The following TRABD2B variants were observed in gnomAD, a reference collection of about 807,000 sequenced individuals.
TRABD2B encodes the protein TraB domain containing 2B, also known as metalloprotease TIKI2.
Under a neutral mutation model 40.1 loss-of-function variants are expected in TRABD2B, and 14 were observed. The observed-to-expected ratio is 0.35, with a 90% confidence interval of 0.23 to 0.55. The LOEUF (loss-of-function observed/expected upper bound fraction) is 0.55. TRABD2B is among the 20% of genes least tolerant of loss of function. TRABD2B has a pLI of 0.90. For synonymous variants in TRABD2B, 263 were observed against 277.0 expected, an observed-to-expected ratio of 0.95 and a Z score of 0.50; for missense variants, 541 against 648.6, an observed-to-expected ratio of 0.83 and a Z score of 1.80.
chr1:47,914,262 C>A (rs1413117270), intron 2 of TRABD2B, among the ~76,000 whole-genome samples: 1 of 152,260 alleles, frequency 6.6e-6, no homozygotes, highest in African/African-American at 2.4e-5. Context: ...TGAGAACTAG[C>A]CCAGGGAATG....
At chr1:47,942,677 C>G (rs1645203670) in intron 2 of TRABD2B, among the ~76,000 whole-genome samples, 1 of 152,182 alleles carries the variant, frequency 6.6e-6, no homozygotes, top group African/African-American at 2.4e-5. Context: ...TGCACATTTA[C>G]CAGGTTCCAG....
chr1:47,978,262 C>T (rs779492390), intron 2 of TRABD2B, among the ~76,000 whole-genome samples: 1 of 152,210 alleles, frequency 6.6e-6, no homozygotes, highest in Admixed American at 6.5e-5. Context: ...AGCTGTTCCT[C>T]ACCAGACACT....
At chr1:47,872,448 G>A (rs1158177133) in intron 2 of TRABD2B, among the ~76,000 whole-genome samples, 1 of 152,196 alleles carries the variant, frequency 6.6e-6, no homozygotes, top group Non-Finnish European at 1.5e-5. Context: ...GTAAATGCCA[G>A]GCCCCACAAG....
intron 2 of TRABD2B, among the ~76,000 whole-genome samples, chr1:47,980,820 G>A (rs1276925602): frequency 6.6e-6 from 1 of 152,038 alleles, no homozygotes. Context: ...CCTAGAAAAT[G>A]GACTATCTCA....
chr1:47,805,084 G>C (rs1165540992), intron 2 of TRABD2B, among the ~76,000 whole-genome samples: 1 of 152,142 alleles, frequency 6.6e-6, no homozygotes, highest in Admixed American at 6.5e-5. Flanking sequence ...CTAGGGTCCA[G>C]AGCAGGCAGG....
chr1:47,820,287 A>G (rs1312269274), intron 2 of TRABD2B: 1 of 152,218 alleles, frequency 6.6e-6, no homozygotes, highest in Non-Finnish European at 1.5e-5. Context: ...AGGCCCTCCT[A>G]TGTAAGTCCA....
At chr1:47,946,451 T>C (rs534970867) in intron 2 of TRABD2B, among the ~76,000 whole-genome samples, 10 of 152,314 alleles carry the variant, frequency 6.6e-5, no homozygotes, top group South Asian at 2.1e-4. Flanking sequence ...ATGAGCAATA[T>C]TGAATTTTGT....
At chr1:47,971,608 C>T (rs1000256748) in intron 2 of TRABD2B, among the ~76,000 whole-genome samples, 1 of 152,272 alleles carries the variant, frequency 6.6e-6, no homozygotes, top group South Asian at 2.1e-4. Flanking sequence ...TGTGTTCTTC[C>T]TGCCTTCCCT....
At chr1:47,964,163 G>GTA (rs1645563954) in intron 2 of TRABD2B, among the ~76,000 whole-genome samples, 1 of 152,176 alleles carries the variant, frequency 6.6e-6, no homozygotes, top group African/African-American at 2.4e-5. Flanking sequence ...TTTCTGGAAT[G>GTA]TATAGATTTA....
intron 2 of TRABD2B, among the ~76,000 whole-genome samples, chr1:47,841,617 T>C (rs1041102390): frequency 1.1e-4 from 16 of 152,034 alleles, no homozygotes; most frequent in African/African-American, 3.6e-4. Flanking sequence ...GTGGGAATCA[T>C]GTCAGCAGAG....
intron 2 of TRABD2B, among the ~76,000 whole-genome samples, chr1:47,827,195 G>A (rs1345989355): frequency 6.6e-6 from 1 of 152,232 alleles, no homozygotes; most frequent in Non-Finnish European, 1.5e-5. Context: ...TCAGCCTCCG[G>A]CTCACAGGGT....
intron 2 of TRABD2B, among the ~76,000 whole-genome samples, chr1:47,956,769 A>C (rs1220501730): frequency 6.6e-6 from 1 of 152,224 alleles, no homozygotes; most frequent in Non-Finnish European, 1.5e-5. Flanking sequence ...TGTAGACTCC[A>C]CCTCTGGGGG....
At chr1:47,985,385 G>A (rs1645906001) in intron 2 of TRABD2B, among the ~76,000 whole-genome samples, 1 of 152,262 alleles carries the variant, frequency 6.6e-6, no homozygotes, top group Admixed American at 6.5e-5. Flanking sequence ...TGAGTCAATG[G>A]GAAGTAAAGG....
intron 2 of TRABD2B, among the ~76,000 whole-genome samples, chr1:47,882,892 A>G (rs6678987): frequency 0.018 from 2,756 of 152,220 alleles, 86 homozygotes; most frequent in African/African-American, 0.062. Context: ...GGAGGCAGGT[A>G]AAAGGATTGG....
intron 2 of TRABD2B, among the ~76,000 whole-genome samples, chr1:47,884,837 A>G (rs1355773180): frequency 6.6e-6 from 1 of 152,014 alleles, no homozygotes; most frequent in Non-Finnish European, 1.5e-5. Context: ...GCTGGTCTCG[A>G]ACTCCTGACC....
intron 6 of TRABD2B, among the ~76,000 whole-genome samples, chr1:47,773,373 C>T (rs568114854): frequency 2.0e-5 from 3 of 152,370 alleles, no homozygotes; most frequent in South Asian, 2.1e-4. Flanking sequence ...AATATAGCCA[C>T]AGTAATGCCT....
intron 2 of TRABD2B, among the ~76,000 whole-genome samples, chr1:47,842,574 A>G (rs1645413148): frequency 6.6e-6 from 1 of 152,214 alleles, no homozygotes; most frequent in African/African-American, 2.4e-5. Context: ...AGCATGCTCT[A>G]TAACACAACA....
At chr1:47,832,368 A>C (rs1015429279) in intron 2 of TRABD2B, among the ~76,000 whole-genome samples, 2 of 151,760 alleles carry the variant, frequency 1.3e-5, no homozygotes, top group African/African-American at 4.8e-5. Flanking sequence ...GTCCAGTCCG[A>C]CCAGTCATGA....
intron 4 of TRABD2B, among the ~76,000 whole-genome samples, chr1:47,789,195 A>C (rs1424884207): frequency 6.6e-6 from 1 of 152,186 alleles, no homozygotes. Flanking sequence ...ATCACTGAGC[A>C]GTGGGTGCTA....
Sources: allele counts gnomAD v4.1 joint callset (sites outside exome capture counted in the v4.1 genomes callset), GRCh38; gene constraint gnomAD v4.1.1; transcripts MANE v1.5; gene names NCBI Gene and HGNC (gene_info 2026-07-23, HGNC 2026-07-21).